The following PAWR variants were observed in gnomAD, a reference collection of about 807,000 sequenced individuals.
PAWR encodes the protein pro-apoptotic WT1 regulator, also known as PRKC apoptosis WT1 regulator protein.
A neutral mutation model predicts 32.0 loss-of-function variants in PAWR; 23 were observed. That is an observed-to-expected ratio of 0.72 (90% CI 0.52 to 1.02). PAWR has a LOEUF of 1.02. Ranked by LOEUF, PAWR falls within the 50% of genes least tolerant of loss-of-function variation. The probability of loss-of-function intolerance (pLI) is 0.00; values close to 1 mark genes in which losing one functional copy is unlikely to be tolerated. For synonymous variants in PAWR, 226 were observed against 187.1 expected (o/e 1.21, Z -1.70); for missense variants, 457 against 437.7 (o/e 1.04, Z -0.39).
In PAWR at chr12:79,690,859, G is replaced by T. The variant is rs1878988541; in HGVS notation, c.-148+13C>A. 6.6e-6 allele frequency: 1 copy of T among 152,270 alleles called. No homozygotes were observed. The highest frequency in any genetic ancestry group is 6.5e-5 in the Admixed American group (1 of 15,290). The allele number at this position is 152,270 out of a possible 1,614,324, so 9.4% of individuals were successfully genotyped here. ...CGAGCGTGGAAAGGACCGGGTGTGA[G>T]CGAGCGCCTTACCTTGGAGGAGCTT... On this transcript the variant is annotated intron_variant, in intron 1 of 6. Transcript: ENST00000328827.
chr12:79,591,287 T>A lies in PAWR; in HGVS notation c.*1320A>T, dbSNP rs1385901927. On this transcript the variant is annotated 3_prime_UTR_variant, in exon 7 of 7. Coordinates refer to ENST00000328827, the MANE Select transcript of PAWR (RefSeq NM_002583.4). The stretch of plus-strand genomic sequence containing the variant: ...CCCCAGCTGTCTCACCTTCTCTATT[T>A]TTCTAACAGTGAACAATAAAAGGGC... The A allele has an allele frequency of 6.6e-6, 1 of 152,180 alleles. No homozygotes were observed. The highest frequency in any genetic ancestry group is 2.4e-5 in the African/African-American group (1 of 41,450). The allele number at this position is 152,180 out of a possible 1,614,324, so 9.4% of individuals were successfully genotyped here.
chr12:79,661,201 A>G (rs1373041516), intron 2 of PAWR, among the ~76,000 whole-genome samples: 2 of 149,262 alleles, frequency 1.3e-5, no homozygotes, highest in African/African-American at 5.0e-5. Flanking sequence ...GTGAGCTACG[A>G]TAGCGCCATT....
intron 4 of PAWR, among the ~76,000 whole-genome samples, chr12:79,602,570 T>TG (rs1874005110): frequency 6.6e-6 from 1 of 151,392 alleles, no homozygotes; most frequent in South Asian, 2.1e-4. Context: ...AAGGGCAAGA[T>TG]GGGAAAAAAA....
At chr12:79,651,590 C>G (rs1488509689) in intron 2 of PAWR, among the ~76,000 whole-genome samples, 1 of 151,078 alleles carries the variant, frequency 6.6e-6, no homozygotes, top group African/African-American at 2.4e-5. Context: ...TAAGAAAAAT[C>G]AAAGAAGATG....
Position 79,588,126 on chromosome 12 carries a change from C to T in PAWR, c.*4481G>A, listed in dbSNP as rs191602081. Reference sequence around the variant, plus strand: ...AGAAATAAGTTCACCAAAAAAGTAGCATACACCTATTTGGTATCCAGAGGA... The same window carrying T: ...AGAAATAAGTTCACCAAAAAAGTAGTATACACCTATTTGGTATCCAGAGGA... On this transcript the variant is annotated 3_prime_UTR_variant, in exon 7 of 7. Transcript: ENST00000328827. 1 of 152,080 alleles carries T rather than the reference C, an allele frequency of 6.6e-6. No homozygotes were observed. The highest frequency in any genetic ancestry group is 6.5e-5 in the Admixed American group (1 of 15,280). The allele number at this position is 152,080 out of a possible 1,614,324, so 9.4% of individuals were successfully genotyped here.
chr12:79,658,593 TTA>T (rs1385697414), intron 2 of PAWR, among the ~76,000 whole-genome samples: 2 of 152,176 alleles, frequency 1.3e-5, no homozygotes, highest in Non-Finnish European at 2.9e-5. Context: ...AAATGCAGAT[TTA>T]TGTTATATAA....
rs1311311285 is a variant in PAWR at position 79,596,610 on chromosome 12, T to G, written c.732A>C (p.Thr244=). The G allele has an allele frequency of 6.3e-7, 1 of 1,599,786 alleles. No homozygotes were observed. The highest frequency in any genetic ancestry group is 8.6e-7 in the Non-Finnish European group (1 of 1,169,186). The change falls in exon 5 of 7, where the codon ACA becomes ACC. Residue 244 remains threonine (T), a synonymous_variant. Transcript: ENST00000328827. The stretch of plus-strand genomic sequence containing the variant: ...TATATCTAGGGAACCCACTTCTATC[T>G]GTTCGAGAATATCTACTTGAGACAT... The part of the protein sequence containing the change: ...EEDVSSRYSR[T]DRSGFPRYNR...
intron 2 of PAWR, among the ~76,000 whole-genome samples, chr12:79,631,510 T>A (rs1323645608): frequency 6.6e-6 from 1 of 152,160 alleles, no homozygotes; most frequent in East Asian, 1.9e-4. Flanking sequence ...TTTTATATAA[T>A]GGCAACCAAT....
intron 2 of PAWR, among the ~76,000 whole-genome samples, chr12:79,665,207 T>C (rs1592542480): frequency 6.6e-6 from 1 of 152,344 alleles, no homozygotes; most frequent in African/African-American, 2.4e-5. Flanking sequence ...ACTTTTCTTA[T>C]AGTCTACAAA....
chr12:79,661,921 T>C (rs1877368575), intron 2 of PAWR, among the ~76,000 whole-genome samples: 1 of 151,968 alleles, frequency 6.6e-6, no homozygotes, highest in African/African-American at 2.4e-5. Context: ...TAAAAATAAA[T>C]AAAAACATCT....
chr12:79,680,837 C>A (rs906862425), intron 2 of PAWR, among the ~76,000 whole-genome samples: 1 of 151,954 alleles, frequency 6.6e-6, no homozygotes, highest in East Asian at 1.9e-4. Flanking sequence ...AAAAAATAGA[C>A]CAGGTGGAGT....
intron 2 of PAWR, among the ~76,000 whole-genome samples, chr12:79,654,648 GTTCC>G (rs1441883243): frequency 6.6e-6 from 1 of 152,198 alleles, no homozygotes; most frequent in African/African-American, 2.4e-5. Flanking sequence ...TTGACTCACA[GTTCC>G]ACATGGCTGT....
chr12:79,634,550 C>A (rs1269585311), intron 2 of PAWR, among the ~76,000 whole-genome samples: 2 of 152,154 alleles, frequency 1.3e-5, no homozygotes, highest in African/African-American at 2.4e-5. Context: ...AGTCAGAACT[C>A]CAACCTAAGC....
Position 79,585,343 on chromosome 12 carries a change from A to G in PAWR, c.*7264T>C. 1 of 236,380 alleles carries G rather than the reference A, an allele frequency of 4.2e-6. No homozygotes were observed. Among genetic ancestry groups the G allele is most frequent in the South Asian group, 4.7e-5 (1 of 21,378 alleles). 14.6% of individuals were successfully genotyped at this position (236,380 alleles called of 1,614,324 possible). A position where few individuals can be genotyped will look rare whatever the true frequency, so the allele number is the denominator to read the frequency against. The stretch of plus-strand genomic sequence containing the variant: ...GCCCCATCTGCAAAGTTTGTGACTC[A>G]AGTGTTGGGTGGGGCCAAATAATTT... On this transcript the variant is annotated 3_prime_UTR_variant, in exon 7 of 7. Transcript: ENST00000328827.
intron 3 of PAWR, among the ~76,000 whole-genome samples, chr12:79,619,968 C>G (rs749800681): frequency 6.6e-6 from 1 of 152,080 alleles, no homozygotes; most frequent in African/African-American, 2.4e-5. Flanking sequence ...GAACTTCTAA[C>G]GTATAAACAA....
chr12:79,647,166 T>C (rs1318657009), intron 2 of PAWR, among the ~76,000 whole-genome samples: 3 of 120,104 alleles, frequency 2.5e-5, no homozygotes, highest in African/African-American at 8.2e-5. Flanking sequence ...AGAGCAAGAC[T>C]CCATTTCAAA....
At chr12:79,642,492 C>T (rs1460420764) in intron 2 of PAWR, among the ~76,000 whole-genome samples, 1 of 152,204 alleles carries the variant, frequency 6.6e-6, no homozygotes, top group South Asian at 2.1e-4. Flanking sequence ...GATCAAGCTG[C>T]TGGCAGGTTT....
rs368708073 is a variant in PAWR at position 79,639,975 on chromosome 12, TCTAAGCGCAACCACCAC to T, written c.517-18785_517-18769del. Among the ~76,000 whole-genome samples, 749 of 151,372 alleles carry T rather than the reference TCTAAGCGCAACCACCAC, an allele frequency of 4.9e-3. 7 individuals are homozygous for T. Among genetic ancestry groups the T allele is most frequent in the African/African-American group, 0.017 (706 of 40,956 alleles). On this transcript the variant is annotated intron_variant, in intron 2 of 6. Transcript: ENST00000328827. The stretch of plus-strand genomic sequence containing the variant: ...GCTGGAGTGCAGTGGCATGATCTCA[TCTAAGCGCAACCACCAC>T]CTCCTGGGTTCAAGTAATTCTCCTG...
intron 4 of PAWR, among the ~76,000 whole-genome samples, chr12:79,604,999 T>C (rs1447385699): frequency 1.3e-5 from 2 of 152,158 alleles, no homozygotes; most frequent in Non-Finnish European, 2.9e-5. Context: ...ATAAACATTA[T>C]CTTCTTTTAC....
Sources: allele counts gnomAD v4.1 joint callset (sites outside exome capture counted in the v4.1 genomes callset), GRCh38; gene constraint gnomAD v4.1.1; transcripts MANE v1.5; gene names NCBI Gene and HGNC (gene_info 2026-07-23, HGNC 2026-07-21).